AJAP1: variants seen among roughly 807,000 people sequenced by gnomAD.
The protein encoded by AJAP1 is adherens junctions associated protein 1.
In AJAP1, 5 loss-of-function variants were observed where a neutral mutation model predicts 35.0. That is an observed-to-expected ratio of 0.14 (90% CI 0.07 to 0.30). AJAP1 has a LOEUF of 0.30. Ranked by LOEUF, AJAP1 falls within the 10% of genes least tolerant of loss-of-function variation. The probability of loss-of-function intolerance (pLI) is 1.00; values close to 1 mark genes in which losing one functional copy is unlikely to be tolerated. For missense variants in AJAP1, 586 were observed against 571.0 expected (o/e 1.03, Z -0.27); for synonymous variants, 284 against 249.3 (o/e 1.14, Z -1.31).
At chr1:4,665,324 T>C (rs76132404) in intron 1 of AJAP1, among the ~76,000 whole-genome samples, 15,676 of 152,186 alleles carry the variant, frequency 0.1, 1,069 homozygotes, top group South Asian at 0.22. Flanking sequence ...TCCTGGATGC[T>C]GTGGCATTAC....
intron 2 of AJAP1, among the ~76,000 whole-genome samples, chr1:4,746,746 A>G (rs952169036): frequency 1.3e-5 from 2 of 152,246 alleles, no homozygotes; most frequent in Non-Finnish European, 2.9e-5. Context: ...ACAGAGGGGC[A>G]TGGAGTGAAC....
chr1:4,705,726 C>T (rs1033109431), intron 1 of AJAP1, among the ~76,000 whole-genome samples: 2 of 152,030 alleles, frequency 1.3e-5, no homozygotes, highest in South Asian at 2.1e-4. Flanking sequence ...CTATGCAATC[C>T]CTGACCAGTC....
intron 2 of AJAP1, among the ~76,000 whole-genome samples, chr1:4,727,515 G>T (rs927944694): frequency 2.6e-5 from 4 of 152,224 alleles, no homozygotes; most frequent in Admixed American, 2.6e-4. Context: ...TCCTCCACCT[G>T]CATGTCTGCC....
At chr1:4,722,838 G>T (rs1406497867) in intron 2 of AJAP1, among the ~76,000 whole-genome samples, 2 of 152,226 alleles carry the variant, frequency 1.3e-5, no homozygotes, top group Non-Finnish European at 2.9e-5. Flanking sequence ...CAGTGTGCTG[G>T]GAAAGGCAGG....
intron 1 of AJAP1, among the ~76,000 whole-genome samples, chr1:4,698,805 G>C (rs1639922845): frequency 6.6e-6 from 1 of 152,138 alleles, no homozygotes. Flanking sequence ...GCCCTCCGAT[G>C]TGCCAGAACT....
Position 4,693,188 on chromosome 1 carries a change from G to A in AJAP1, c.30-18712G>A, listed in dbSNP as rs1216841373. On this transcript the variant is annotated intron_variant, in intron 1 of 5. Transcript: ENST00000378191. The surrounding 1 kb of genome is among the most constrained non-coding windows in gnomAD (Gnocchi z 4.4). The stretch of plus-strand genomic sequence containing the variant: ...GGAGAAGCCCCCATGAAGGCCCCAT[G>A]CTGCCCAGGATTCAAAGGCCCACCC... 1.3e-5 allele frequency among the ~76,000 whole-genome samples: 2 copies of A among 152,144 alleles called. No individual in the cohort carries two copies. Among genetic ancestry groups the A allele is most frequent in the African/African-American group, 2.4e-5 (1 of 41,450 alleles).
At chr1:4,731,946 C>T (rs1557630398) in intron 2 of AJAP1, among the ~76,000 whole-genome samples, 1 of 152,212 alleles carries the variant, frequency 6.6e-6, no homozygotes, top group South Asian at 2.1e-4. Context: ...ATCGGACACC[C>T]CCTGGGTGGC....
At chr1:4,713,285 C>T (rs938632598) in intron 2 of AJAP1, among the ~76,000 whole-genome samples, 15 of 152,276 alleles carry the variant, frequency 9.9e-5, no homozygotes, top group African/African-American at 3.6e-4. Flanking sequence ...GTTAACAGAA[C>T]CTTCGCAGAC....
At chr1:4,777,009 C>T (rs544136607) in intron 5 of AJAP1, among the ~76,000 whole-genome samples, 5 of 152,218 alleles carry the variant, frequency 3.3e-5, no homozygotes, top group Non-Finnish European at 5.9e-5. Context: ...CACACAGCCT[C>T]GTTAGTCCTT....
At chr1:4,770,439 A>T (rs958007137) in intron 3 of AJAP1, among the ~76,000 whole-genome samples, 1 of 152,168 alleles carries the variant, frequency 6.6e-6, no homozygotes, top group African/African-American at 2.4e-5. Flanking sequence ...TGCTCTAGGC[A>T]GCCTGCCTTT....
At chr1:4,781,320 G>C (rs915096413) in intron 5 of AJAP1, among the ~76,000 whole-genome samples, 3 of 152,186 alleles carry the variant, frequency 2.0e-5, no homozygotes, top group Non-Finnish European at 4.4e-5. Flanking sequence ...ATGGACCCAG[G>C]ACTGGCAGTC....
chr1:4,676,173 C>A (rs531442987), intron 1 of AJAP1, among the ~76,000 whole-genome samples: 15 of 152,308 alleles, frequency 9.8e-5, no homozygotes, highest in African/African-American at 3.1e-4. Context: ...TGTGCACCGG[C>A]CTTGCCTCCT....
At chr1:4,657,181 A>G (rs116818407) in intron 1 of AJAP1, among the ~76,000 whole-genome samples, 1,584 of 152,358 alleles carry the variant, frequency 0.01, 26 homozygotes, top group African/African-American at 0.036. Context: ...TATCTTGGAA[A>G]GAAGCCTCTC....
intron 2 of AJAP1, among the ~76,000 whole-genome samples, chr1:4,744,091 G>A (rs904382410): frequency 6.6e-6 from 1 of 152,226 alleles, no homozygotes; most frequent in African/African-American, 2.4e-5. Context: ...ACGTCTGAGT[G>A]TGTAGATCAA....
At chr1:4,721,313 C>A (rs529529533) in intron 2 of AJAP1, among the ~76,000 whole-genome samples, 5 of 152,268 alleles carry the variant, frequency 3.3e-5, no homozygotes, top group African/African-American at 1.2e-4. Context: ...ATACCTCTTC[C>A]GCCTGAAGCA....
chr1:4,752,317 G>A (rs1641337908), intron 2 of AJAP1, among the ~76,000 whole-genome samples: 1 of 151,952 alleles, frequency 6.6e-6, no homozygotes, highest in Non-Finnish European at 1.5e-5. Context: ...ATTTCCCCAG[G>A]AAAGATGTCC....
At chr1:4,682,844 ATGATGG>A (rs1639514607) in intron 1 of AJAP1, among the ~76,000 whole-genome samples, 1 of 152,140 alleles carries the variant, frequency 6.6e-6, no homozygotes, top group African/African-American at 2.4e-5. Flanking sequence ...GGTGATGGTG[ATGATGG>A]TGATGGTGGT....
rs1268870740 is a variant in AJAP1, at chr1:4,723,279, G to T, written c.829+10580G>T. Among the ~76,000 whole-genome samples the T allele has an allele frequency of 2.6e-5, 4 of 152,170 alleles. No homozygotes were observed. The highest frequency in any genetic ancestry group is 9.7e-5 in the African/African-American group (4 of 41,434). On this transcript the variant is annotated intron_variant, in intron 2 of 5. Transcript: ENST00000378191. The surrounding 1 kb of genome is among the most constrained non-coding windows in gnomAD (Gnocchi z 4.3). ...TCTTGTGACATCCAGCCACCCTGGC[G>T]GCCGTCCAAGGGGAGCGCCTGTGGA...
At chr1:4,754,996 C>T (rs1001145741) in intron 2 of AJAP1, among the ~76,000 whole-genome samples, 4 of 152,104 alleles carry the variant, frequency 2.6e-5, no homozygotes, top group Admixed American at 2.6e-4. Flanking sequence ...CCCCAGCTGG[C>T]CCACCAGGTG....
Sources: allele counts gnomAD v4.1 joint callset (sites outside exome capture counted in the v4.1 genomes callset), GRCh38; gene constraint gnomAD v4.1.1; non-coding constraint Gnocchi (gnomAD v3.1); transcripts MANE v1.5; gene names NCBI Gene and HGNC (gene_info 2026-07-23, HGNC 2026-07-21).